The following GRID1 variants were observed in gnomAD, a reference collection of about 807,000 sequenced individuals.
GRID1 encodes glutamate ionotropic receptor delta type subunit 1.
Under a neutral mutation model 98.0 loss-of-function variants are expected in GRID1, and 28 were observed. The ratio of observed to expected loss-of-function variants is 0.29; its 90% confidence interval spans 0.21 to 0.39. The LOEUF (loss-of-function observed/expected upper bound fraction) is 0.39. Ranked by LOEUF, GRID1 falls within the 10% of genes least tolerant of loss-of-function variation. The probability of loss-of-function intolerance (pLI) is 1.00; values close to 1 mark genes in which losing one functional copy is unlikely to be tolerated. For missense variants in GRID1, 1,111 were observed against 1,340.5 expected, an observed-to-expected ratio of 0.83 and a Z score of 2.67; for synonymous variants, 553 against 538.5, an observed-to-expected ratio of 1.03 and a Z score of -0.37.
chr10:86,321,276 G>A (rs966323394), intron 2 of GRID1, among the ~76,000 whole-genome samples: 1 of 152,038 alleles, frequency 6.6e-6, no homozygotes, highest in Admixed American at 6.5e-5. Flanking sequence ...ATGAAATGAT[G>A]TGCCACATTA....
At chr10:86,182,627 A>G (rs916413718) in intron 3 of GRID1, among the ~76,000 whole-genome samples, 1 of 152,218 alleles carries the variant, frequency 6.6e-6, no homozygotes, top group Admixed American at 6.5e-5. Context: ...AAAAACTGTG[A>G]TGTCAGCTTC....
intron 5 of GRID1, among the ~76,000 whole-genome samples, chr10:85,883,473 C>T (rs1195166743): frequency 6.6e-6 from 1 of 150,808 alleles, no homozygotes; most frequent in Non-Finnish European, 1.5e-5. Flanking sequence ...CCTTCGTTTT[C>T]CTTTGTCCTT....
intron 4 of GRID1, among the ~76,000 whole-genome samples, chr10:85,935,077 G>A (rs77252133): frequency 0.048 from 7,349 of 152,236 alleles, 251 homozygotes; most frequent in East Asian, 0.15. Context: ...TGACCATGAC[G>A]GGTCCCGGCT....
intron 2 of GRID1, among the ~76,000 whole-genome samples, chr10:86,351,006 T>G (rs987070218): frequency 6.6e-6 from 1 of 152,210 alleles, no homozygotes; most frequent in Non-Finnish European, 1.5e-5. Context: ...ATGAGTTCAA[T>G]GTGTTTAGCT....
At chr10:85,850,055 C>G (rs1190972687) in intron 8 of GRID1, among the ~76,000 whole-genome samples, 2 of 152,302 alleles carry the variant, frequency 1.3e-5, no homozygotes, top group African/African-American at 2.4e-5. Flanking sequence ...CTACCTCCCC[C>G]ACCCTCCTGC....
intron 4 of GRID1, among the ~76,000 whole-genome samples, chr10:86,017,607 G>A (rs1842995987): frequency 6.6e-6 from 1 of 152,194 alleles, no homozygotes; most frequent in South Asian, 2.1e-4. Context: ...GGCTGTATTG[G>A]CCCTGGTGTC....
At chr10:85,894,723 C>G (rs1841259590) in intron 5 of GRID1, among the ~76,000 whole-genome samples, 2 of 152,010 alleles carry the variant, frequency 1.3e-5, no homozygotes, top group African/African-American at 4.8e-5. Context: ...CAAAACAGAA[C>G]TTGGCCGGGT....
intron 2 of GRID1, among the ~76,000 whole-genome samples, chr10:86,343,023 A>G (rs1372647187): frequency 6.6e-6 from 1 of 152,230 alleles, no homozygotes; most frequent in African/African-American, 2.4e-5. Context: ...CTGAAGGATC[A>G]ACAGAGGACT....
chr10:85,880,133 G>T (rs1182476376), intron 5 of GRID1, among the ~76,000 whole-genome samples: 4 of 152,232 alleles, frequency 2.6e-5, no homozygotes, highest in Admixed American at 2.0e-4. Flanking sequence ...ATAATCAATA[G>T]CTTACCAACC....
chr10:85,766,821 T>G (rs769485467), intron 8 of GRID1, among the ~76,000 whole-genome samples: 12 of 151,878 alleles, frequency 7.9e-5, no homozygotes, highest in Non-Finnish European at 1.0e-4. Flanking sequence ...GTATATTTTA[T>G]TATAATTTTT....
intron 4 of GRID1, among the ~76,000 whole-genome samples, chr10:85,962,667 AG>A (rs1052585710): frequency 2.6e-5 from 4 of 152,178 alleles, no homozygotes; most frequent in African/African-American, 9.7e-5. Context: ...CCCTTGCCCC[AG>A]GGAGACTGAG....
intron 8 of GRID1, among the ~76,000 whole-genome samples, chr10:85,737,414 T>C (rs142284833): frequency 1.4e-3 from 216 of 151,782 alleles, no homozygotes; most frequent in African/African-American, 4.9e-3. Flanking sequence ...AAGAGATCAG[T>C]CATAATGAAG....
chr10:86,058,632 G>T lies in GRID1; in HGVS notation c.726+80187C>A, dbSNP rs1000311799. On this transcript the variant is annotated intron_variant, in intron 4 of 15. Transcript: ENST00000327946. ...TGCAAAATGACAGAAACTGACATCT[G>T]CCAGAGACCTGCGGGAGGGGATTCA... Among the ~76,000 whole-genome samples the T allele has an allele frequency of 2.0e-5, 3 of 152,190 alleles. No individual in the cohort carries two copies. In the East Asian group the frequency reaches 5.8e-4, roughly 29 times the overall value.
At chr10:85,700,037 T>C (rs1223146641) in intron 12 of GRID1, among the ~76,000 whole-genome samples, 1 of 152,140 alleles carries the variant, frequency 6.6e-6, no homozygotes, top group African/African-American at 2.4e-5. Flanking sequence ...TAGACTACAA[T>C]CTTCTCTCCC....
chr10:86,250,782 C>A (rs1846814128), intron 2 of GRID1, among the ~76,000 whole-genome samples: 1 of 152,010 alleles, frequency 6.6e-6, no homozygotes, highest in African/African-American at 2.4e-5. Context: ...CTCTGCCCGG[C>A]CGCCACCCCG....
At chr10:86,307,328 A>C (rs1002084989) in intron 2 of GRID1, among the ~76,000 whole-genome samples, 2 of 152,236 alleles carry the variant, frequency 1.3e-5, no homozygotes, top group East Asian at 3.8e-4. Flanking sequence ...GATAAAGAAA[A>C]TGTGGTATAC....
In GRID1 at chr10:85,961,425, G is replaced by C. The variant is rs7072859; in HGVS notation, c.727-45186C>G. On this transcript the variant is annotated intron_variant, in intron 4 of 15. Transcript: ENST00000327946. ...CAGTGAAGCCCAGACCAGTGAGGAGGCCTCCCGCCACTTGGGTCCTGAGGC... is the reference window on the plus strand; with the variant it reads ...CAGTGAAGCCCAGACCAGTGAGGAGCCCTCCCGCCACTTGGGTCCTGAGGC... Among the ~76,000 whole-genome samples, 853 of 152,142 alleles carry C rather than the reference G, an allele frequency of 5.6e-3. 11 individuals are homozygous for C. Among genetic ancestry groups the C allele is most frequent in the African/African-American group, 0.02 (818 of 41,532 alleles).
intron 8 of GRID1, among the ~76,000 whole-genome samples, chr10:85,831,427 A>G (rs909071832): frequency 2.0e-5 from 3 of 151,784 alleles, no homozygotes; most frequent in Non-Finnish European, 4.4e-5. Flanking sequence ...ATACCCCTGA[A>G]GCTAAAATAA....
At chr10:85,612,049 G>A (rs939680516) in intron 15 of GRID1, among the ~76,000 whole-genome samples, 8 of 152,178 alleles carry the variant, frequency 5.3e-5, no homozygotes, top group South Asian at 2.1e-4. Flanking sequence ...AGATATCCCC[G>A]AACATTGCAG....
Sources: allele counts gnomAD v4.1 joint callset (sites outside exome capture counted in the v4.1 genomes callset), GRCh38; gene constraint gnomAD v4.1.1; transcripts MANE v1.5; gene names NCBI Gene and HGNC (gene_info 2026-07-23, HGNC 2026-07-21).